The following ANKRD12 variants were observed in gnomAD, a reference collection of about 807,000 sequenced individuals.
ANKRD12 encodes ankyrin repeat domain 12, also known as ankyrin repeat domain-containing protein 12.
A neutral mutation model predicts 183.4 loss-of-function variants in ANKRD12; 85 were observed. The ratio of observed to expected loss-of-function variants is 0.46; its 90% CI spans 0.39 to 0.56. ANKRD12 has a LOEUF of 0.56. ANKRD12 is among the 20% of genes least tolerant of loss of function. The pLI, the probability that ANKRD12 is intolerant of heterozygous loss-of-function variation, is 0.00. For synonymous variants in ANKRD12, 914 were observed against 800.2 expected, an observed-to-expected ratio of 1.14 and a Z score of -2.40; for missense variants, 2,405 against 2,357.1, an observed-to-expected ratio of 1.02 and a Z score of -0.42.
intron 11 of ANKRD12, among the ~76,000 whole-genome samples, chr18:9,277,998 G>C (rs1248309263): frequency 1.3e-5 from 2 of 152,134 alleles, no homozygotes; most frequent in African/African-American, 4.8e-5. Context: ...TGGATCATAA[G>C]CCTGATGATT....
At position 9,257,806 on chromosome 18, in the gene ANKRD12, T is replaced by C. The variant is rs773987139; in HGVS notation, c.4539T>C (p.Tyr1513=). ...ESISKHMSLS[Y]VANQEPGILQ... is the part of the protein sequence containing the mutation. Reference sequence around the variant, plus strand: ...TTTCTAAACATATGTCTTTGTCATATGTTGCTAATCAAGAGCCAGGTATTT... The same window carrying C: ...TTTCTAAACATATGTCTTTGTCATACGTTGCTAATCAAGAGCCAGGTATTT... Residue 1513 remains tyrosine, a synonymous_variant, in exon 9 of 13, where the codon TAT becomes TAC. Coordinates refer to ENST00000262126, the MANE Select transcript of ANKRD12 (RefSeq NM_015208.5). 81 of 1,613,818 alleles carry C rather than the reference T, an allele frequency of 5.0e-5. No individual in the cohort carries two copies. The highest frequency in any genetic ancestry group is 6.3e-5 in the Non-Finnish European group (74 of 1,179,980).
intron 6 of ANKRD12, among the ~76,000 whole-genome samples, chr18:9,212,545 G>A (rs529884444): frequency 9.2e-5 from 14 of 151,888 alleles, no homozygotes; most frequent in Non-Finnish European, 2.1e-4. Flanking sequence ...ATATTTTCTG[G>A]TATAGCATTC....
chr18:9,210,950 GT>G (rs1185795409), intron 5 of ANKRD12, among the ~76,000 whole-genome samples: 1 of 150,942 alleles, frequency 6.6e-6, no homozygotes, highest in African/African-American at 2.4e-5. Context: ...ACCAGTTTTT[GT>G]TTTTTTGTAG....
At chr18:9,169,465 A>G (rs2032455698) in intron 1 of ANKRD12, among the ~76,000 whole-genome samples, 1 of 152,136 alleles carries the variant, frequency 6.6e-6, no homozygotes. Context: ...ACCATTCTGT[A>G]ATGGCCTTCT....
At chr18:9,185,195 G>A (rs2033964762) in intron 2 of ANKRD12, among the ~76,000 whole-genome samples, 3 of 152,226 alleles carry the variant, frequency 2.0e-5, no homozygotes, top group African/African-American at 7.2e-5. Context: ...ACAAGGAGCA[G>A]TTCATTATAG....
intron 3 of ANKRD12, among the ~76,000 whole-genome samples, chr18:9,198,774 G>A (rs141716700): frequency 9.6e-4 from 146 of 152,038 alleles, no homozygotes; most frequent in African/African-American, 3.1e-3. Context: ...GTTAACTCCC[G>A]ACCTCAAGTG....
intron 1 of ANKRD12, among the ~76,000 whole-genome samples, chr18:9,162,186 C>T (rs2031511270): frequency 6.6e-6 from 1 of 151,884 alleles, no homozygotes; most frequent in Non-Finnish European, 1.5e-5. Flanking sequence ...TGATGCTATC[C>T]CTCCCCCAAC....
intron 5 of ANKRD12, among the ~76,000 whole-genome samples, chr18:9,209,759 TTTTGAC>T (rs1235005265): frequency 9.2e-5 from 14 of 152,182 alleles, no homozygotes; most frequent in African/African-American, 2.4e-4. Flanking sequence ...TTCTGTAAAA[TTTTGAC>T]TTTGACTTTA....
At chr18:9,226,380 G>A (rs549720137) in intron 8 of ANKRD12, among the ~76,000 whole-genome samples, 2 of 151,894 alleles carry the variant, frequency 1.3e-5, no homozygotes, top group African/African-American at 2.4e-5. Flanking sequence ...AGCTGAGTTC[G>A]CACCATTACA....
intron 11 of ANKRD12, among the ~76,000 whole-genome samples, chr18:9,278,573 C>T (rs929230366): frequency 6.6e-6 from 1 of 152,124 alleles, no homozygotes; most frequent in South Asian, 2.1e-4. Flanking sequence ...CAGAGGTGGG[C>T]AGATCACGAG....
intron 8 of ANKRD12, among the ~76,000 whole-genome samples, chr18:9,244,628 G>A (rs1478786196): frequency 6.6e-6 from 1 of 152,206 alleles, no homozygotes; most frequent in Non-Finnish European, 1.5e-5. Flanking sequence ...TCGATTCTGA[G>A]AGTTCATTGT....
At chr18:9,243,070 G>C (rs1335942307) in intron 8 of ANKRD12, among the ~76,000 whole-genome samples, 1 of 152,180 alleles carries the variant, frequency 6.6e-6, no homozygotes, top group Non-Finnish European at 1.5e-5. Context: ...TGCTCAATCA[G>C]TTTGGGGATG....
Position 9,239,697 on chromosome 18 carries a change from T to C in ANKRD12, c.944-14514T>C, listed in dbSNP as rs1374806494. ...AATCTAAATTCAGAACATACTAATA[T>C]ATAATCATGTAACTGCCCATAGATG... On this transcript the variant is annotated intron_variant, in intron 8 of 12. Coordinates refer to ENST00000262126, the MANE Select transcript of ANKRD12 (RefSeq NM_015208.5). 2.4e-5 allele frequency: 7 copies of C among 291,750 alleles called. No individual in the cohort carries two copies. In the East Asian group the frequency reaches 3.3e-4, roughly 14 times the overall value. 18.1% of individuals were successfully genotyped at this position (291,750 alleles called of 1,614,324 possible).
At chr18:9,215,373 T>A (rs1567925305) in intron 6 of ANKRD12, among the ~76,000 whole-genome samples, 1 of 152,058 alleles carries the variant, frequency 6.6e-6, no homozygotes, top group African/African-American at 2.4e-5. Flanking sequence ...CAAGAAGGCC[T>A]GGACAATGAG....
intron 2 of ANKRD12, among the ~76,000 whole-genome samples, chr18:9,188,494 AT>A (rs1392168264): frequency 6.6e-6 from 1 of 152,252 alleles, no homozygotes. Flanking sequence ...ATGGAGAATT[AT>A]GTCCCAACAC....
intron 1 of ANKRD12, among the ~76,000 whole-genome samples, chr18:9,156,896 TATC>T (rs1171015380): frequency 3.9e-5 from 6 of 152,068 alleles, no homozygotes; most frequent in African/African-American, 2.4e-5. Flanking sequence ...AAAGGAAAAA[TATC>T]ATATGATTGC....
chr18:9,161,334 CT>C lies in ANKRD12; in HGVS notation c.-51-21040del, dbSNP rs572705428. Among the ~76,000 whole-genome samples, 18 of 151,204 alleles carry C rather than the reference CT, an allele frequency of 1.2e-4. No homozygotes were observed. The East Asian group carries it at 1.7e-3, about 15-fold the overall frequency. ...ACTTTAACTTTGATCCCTTTTTGTC[CT>C]TTTTTTTCTCTATTTCTGTTTTTAT... On this transcript the variant is annotated intron_variant, in intron 1 of 12. Coordinates refer to ENST00000262126, the MANE Select transcript of ANKRD12 (RefSeq NM_015208.5).
At chr18:9,213,996 T>C (rs922856968) in intron 6 of ANKRD12, among the ~76,000 whole-genome samples, 1 of 152,040 alleles carries the variant, frequency 6.6e-6, no homozygotes, top group African/African-American at 2.4e-5. Context: ...TTTAATACTT[T>C]TGTCAAATAA....
chr18:9,270,879 G>A (rs2145407886), intron 10 of ANKRD12, among the ~76,000 whole-genome samples: 1 of 152,254 alleles, frequency 6.6e-6, no homozygotes, highest in Admixed American at 6.5e-5. Flanking sequence ...TAATACTTGA[G>A]GGCAACTTTA....
Sources: allele counts gnomAD v4.1 joint callset (sites outside exome capture counted in the v4.1 genomes callset), GRCh38; gene constraint gnomAD v4.1.1; transcripts MANE v1.5; gene names NCBI Gene and HGNC (gene_info 2026-07-23, HGNC 2026-07-21).